Variants in KRTAP3-3 observed in about 807,000 individuals in gnomAD.
The protein encoded by KRTAP3-3 is keratin-associated protein 3-3.
Under a neutral mutation model 5.7 loss-of-function variants are expected in KRTAP3-3, and 8 were observed. That is an observed-to-expected ratio of 1.40 (90% CI 0.82 to 2.52). The LOEUF is 2.52. Ranked by LOEUF, KRTAP3-3 falls within the 30% of genes most tolerant of loss-of-function variation. KRTAP3-3 has a pLI of 0.00. For synonymous variants in KRTAP3-3, 49 were observed against 47.0 expected (o/e 1.04, Z -0.17); for missense variants, 98 against 121.5 (o/e 0.81, Z 0.91).
Position 40,993,782 on chromosome 17 carries a change from T to C in KRTAP3-3, c.*19A>G, listed in dbSNP as rs1912758865. Reference sequence around the variant, plus strand: ...TGTTGACTTTTTCAATCTCAGGCACTGAGCAAAGTAGCCATCCATTAGCAG... The same window carrying C: ...TGTTGACTTTTTCAATCTCAGGCACCGAGCAAAGTAGCCATCCATTAGCAG... On this transcript the variant is annotated 3_prime_UTR_variant, in exon 1 of 1. Coordinates refer to ENST00000391586, the MANE Select transcript of KRTAP3-3 (RefSeq NM_033185.3). 1 of 1,611,724 alleles carries C rather than the reference T, an allele frequency of 6.2e-7. No individual in the cohort carries two copies. The highest frequency in any genetic ancestry group is 8.5e-7 in the Non-Finnish European group (1 of 1,178,230).
rs868460745 is a variant in KRTAP3-3 at position 40,993,958 on chromosome 17, C to A, written c.140G>T (p.Cys47Phe). The A allele has an allele frequency of 5.6e-6, 9 of 1,614,090 alleles. No homozygotes were observed. The highest frequency in any genetic ancestry group is 5.9e-6 in the Non-Finnish European group (7 of 1,180,028). ...GCAGGGTGGGGGACAGTTGTCACAG[C>A]AGGTGGGCTCCAGTAACCAAACTGT... The part of the protein sequence containing the change: ...PHTVWLLEPT[C>F]CDNCPPPCHI... Residue 47 changes from cysteine (C) to phenylalanine (F), a missense_variant, in exon 1 of 1, where the codon TGC becomes TTC. Coordinates refer to ENST00000391586, the MANE Select transcript of KRTAP3-3 (RefSeq NM_033185.3).
In KRTAP3-3 at chr17:40,993,654, T is replaced by A; in HGVS notation, c.*147A>T. 1 of 1,277,640 alleles carries A rather than the reference T, an allele frequency of 7.8e-7. No individual in the cohort carries two copies. Among genetic ancestry groups the A allele is most frequent in the Non-Finnish European group, 1.1e-6 (1 of 945,566 alleles). The allele number at this position is 1,277,640 out of a possible 1,614,324, so 79.1% of individuals were successfully genotyped here. A position where few individuals can be genotyped will look rare whatever the true frequency, so the allele number is the denominator to read the frequency against. ...GTCATTGAAAGTTTCTTGGTCTCTTTTTTTTTGCAGGGGGTGATTGTGGTA... is the reference window on the plus strand; with the variant it reads ...GTCATTGAAAGTTTCTTGGTCTCTTATTTTTTGCAGGGGGTGATTGTGGTA... On this transcript the variant is annotated 3_prime_UTR_variant, in exon 1 of 1. Coordinates refer to ENST00000391586, the MANE Select transcript of KRTAP3-3 (RefSeq NM_033185.3).
chr17:40,993,667 G>A lies in KRTAP3-3; in HGVS notation c.*134C>T, dbSNP rs1182076562. 18 of 1,324,134 alleles carry A rather than the reference G, an allele frequency of 1.4e-5. No individual in the cohort carries two copies. The East Asian group carries it at 4.1e-4, about 30-fold the overall frequency. 82.0% of individuals were successfully genotyped at this position (1,324,134 alleles called of 1,614,324 possible). On this transcript the variant is annotated 3_prime_UTR_variant, in exon 1 of 1. Coordinates refer to ENST00000391586, the MANE Select transcript of KRTAP3-3 (RefSeq NM_033185.3). Reference sequence around the variant, plus strand: ...TCTTGGTCTCTTTTTTTTTGCAGGGGGTGATTGTGGTAGTACCATCCTTGT... The same window carrying A: ...TCTTGGTCTCTTTTTTTTTGCAGGGAGTGATTGTGGTAGTACCATCCTTGT...
Position 40,993,736 on chromosome 17 carries a change from A to C in KRTAP3-3, c.*65T>G. On this transcript the variant is annotated 3_prime_UTR_variant, in exon 1 of 1. Coordinates refer to ENST00000391586, the MANE Select transcript of KRTAP3-3 (RefSeq NM_033185.3). Reference sequence around the variant, plus strand: ...GTACATTAGTTGTAGGTACTGAGATAGGTGAATGCTAAAGCTTCTATGTTG... The same window carrying C: ...GTACATTAGTTGTAGGTACTGAGATCGGTGAATGCTAAAGCTTCTATGTTG... The C allele has an allele frequency of 2.5e-6, 4 of 1,576,190 alleles. No homozygotes were observed. Among genetic ancestry groups the C allele is most frequent in the Non-Finnish European group, 2.6e-6 (3 of 1,157,892 alleles).
Position 40,993,615 on chromosome 17 carries a change from G to T in KRTAP3-3, c.*186C>A, listed in dbSNP as rs1202214728. ...CATCCACTGATTCAAACTGCAGTTG[G>T]TTATAGCTGAATGGTCATTGAAAGT... On this transcript the variant is annotated 3_prime_UTR_variant, in exon 1 of 1. Coordinates refer to ENST00000391586, the MANE Select transcript of KRTAP3-3 (RefSeq NM_033185.3). The T allele has an allele frequency of 2.3e-6, 2 of 870,670 alleles. No individual in the cohort carries two copies. Among genetic ancestry groups the T allele is most frequent in the East Asian group, 2.7e-5 (1 of 37,356 alleles). 53.9% of individuals were successfully genotyped at this position (870,670 alleles called of 1,614,324 possible).
At position 40,993,652 on chromosome 17, in the gene KRTAP3-3, T is replaced by A; in HGVS notation, c.*149A>T. 1 of 1,025,694 alleles carries A rather than the reference T, an allele frequency of 9.7e-7. No individual in the cohort carries two copies. The highest frequency in any genetic ancestry group is 1.4e-6 in the Non-Finnish European group (1 of 736,364). 63.5% of individuals were successfully genotyped at this position (1,025,694 alleles called of 1,614,324 possible). On this transcript the variant is annotated 3_prime_UTR_variant, in exon 1 of 1. Transcript: ENST00000391586. ...TGGTCATTGAAAGTTTCTTGGTCTC[T>A]TTTTTTTTGCAGGGGGTGATTGTGG...
chr17:40,993,675 T>C lies in KRTAP3-3; in HGVS notation c.*126A>G, dbSNP rs1912755424. On this transcript the variant is annotated 3_prime_UTR_variant, in exon 1 of 1. Transcript: ENST00000391586. ...TCTTTTTTTTTGCAGGGGGTGATTG[T>C]GGTAGTACCATCCTTGTTCCAATTT... 6 of 1,385,270 alleles carry C rather than the reference T, an allele frequency of 4.3e-6. No homozygotes were observed. The South Asian group carries it at 4.4e-5, about 10-fold the overall frequency. The allele number at this position is 1,385,270 out of a possible 1,614,324, so 85.8% of individuals were successfully genotyped here. A position where few individuals can be genotyped will look rare whatever the true frequency, so the allele number is the denominator to read the frequency against.
rs1460802373 is a variant in KRTAP3-3, at chr17:40,993,882, CTGGCAGGAGT to C, written c.206_215del (p.Asn69SerfsTer56). Reference sequence around the variant, plus strand: ...TGAGGGTCTCCAGGCCTGGAGTTGGCTGGCAGGAGTTGAGCAGGAAGCAGGTGGGCACGCA... The same window carrying C: ...TGAGGGTCTCCAGGCCTGGAGTTGGCTGAGCAGGAAGCAGGTGGGCACGCA... On this transcript the variant is annotated frameshift_variant, in exon 1 of 1. Coordinates refer to ENST00000391586, the MANE Select transcript of KRTAP3-3 (RefSeq NM_033185.3). LOFTEE classifies it high-confidence loss of function. 5.0e-6 allele frequency: 8 copies of C among 1,613,940 alleles called. No individual in the cohort carries two copies. In the Middle Eastern group the frequency reaches 8.2e-4, roughly 166 times the overall value.
rs867950794 is a variant in KRTAP3-3, at chr17:40,993,850, G to A, written c.248C>T (p.Thr83Ile). The change falls in exon 1 of 1, where the codon ACC becomes ATC. Residue 83 changes from threonine to isoleucine, a missense_variant. Coordinates refer to ENST00000391586, the MANE Select transcript of KRTAP3-3 (RefSeq NM_033185.3). Reference protein sequence around the residue: ...PTPGLETLNLTTFTQPCCEPC... With the variant: ...PTPGLETLNLITFTQPCCEPC... ...CTCACAGCAGGGCTGAGTGAAGGTGGTGAGGTTGAGGGTCTCCAGGCCTGG... is the reference window on the plus strand; with the variant it reads ...CTCACAGCAGGGCTGAGTGAAGGTGATGAGGTTGAGGGTCTCCAGGCCTGG... 5.6e-6 allele frequency: 9 copies of A among 1,614,246 alleles called. No homozygotes were observed. The South Asian group carries it at 7.7e-5, about 14-fold the overall frequency.
chr17:40,993,668 G>T lies in KRTAP3-3; in HGVS notation c.*133C>A, dbSNP rs963905491. The T allele has an allele frequency of 6.0e-6, 8 of 1,332,410 alleles. No homozygotes were observed. In the South Asian group the frequency reaches 1.1e-4, roughly 18 times the overall value. The allele number at this position is 1,332,410 out of a possible 1,614,324, so 82.5% of individuals were successfully genotyped here. ...CTTGGTCTCTTTTTTTTTGCAGGGG[G>T]TGATTGTGGTAGTACCATCCTTGTT... On this transcript the variant is annotated 3_prime_UTR_variant, in exon 1 of 1. Coordinates refer to ENST00000391586, the MANE Select transcript of KRTAP3-3 (RefSeq NM_033185.3).
At position 40,994,113 on chromosome 17, in the gene KRTAP3-3, T is replaced by C. The variant is rs762718694; in HGVS notation, c.-16A>G. ...AGCAATCCATGGCTATTAGAGTCTG[T>C]GGTATTTATGGGTTTGATTGAAAAG... On this transcript the variant is annotated 5_prime_UTR_variant, in exon 1 of 1. Coordinates refer to ENST00000391586, the MANE Select transcript of KRTAP3-3 (RefSeq NM_033185.3). 3.7e-6 allele frequency: 6 copies of C among 1,612,526 alleles called. No individual in the cohort carries two copies. Among genetic ancestry groups the C allele is most frequent in the Non-Finnish European group, 5.1e-6 (6 of 1,179,256 alleles).
At position 40,993,891 on chromosome 17, in the gene KRTAP3-3, G is replaced by A. The variant is rs755672073; in HGVS notation, c.207C>T (p.Asn69=). The A allele has an allele frequency of 8.7e-6, 14 of 1,613,978 alleles. No homozygotes were observed. Among genetic ancestry groups the A allele is most frequent in the East Asian group, 6.7e-5 (3 of 44,892 alleles). ...QPCVPTCFLL[N]SCQPTPGLET... Reference sequence around the variant, plus strand: ...CCAGGCCTGGAGTTGGCTGGCAGGAGTTGAGCAGGAAGCAGGTGGGCACGC... The same window carrying A: ...CCAGGCCTGGAGTTGGCTGGCAGGAATTGAGCAGGAAGCAGGTGGGCACGC... Residue 69 remains asparagine (N), a synonymous_variant, in exon 1 of 1, where the codon AAC becomes AAT. Transcript: ENST00000391586.
Position 40,993,473 on chromosome 17 carries a change from A to T in KRTAP3-3, c.*328T>A. 1 of 341,270 alleles carries T rather than the reference A, an allele frequency of 2.9e-6. No homozygotes were observed. The highest frequency in any genetic ancestry group is 5.3e-6 in the Non-Finnish European group (1 of 187,802). 21.1% of individuals were successfully genotyped at this position (341,270 alleles called of 1,614,324 possible). ...GTAAAATTTATTAGGATAATCATGA[A>T]GAACTTCCTTAATTTTCAGAAAGAT... On this transcript the variant is annotated 3_prime_UTR_variant, in exon 1 of 1. Coordinates refer to ENST00000391586, the MANE Select transcript of KRTAP3-3 (RefSeq NM_033185.3).
rs1408037170 is a variant in KRTAP3-3, at chr17:40,994,159, G to A, written c.-62C>T. The stretch of plus-strand genomic sequence containing the variant: ...AAAAGAAGGATAAGGCTTCTGAGGT[G>A]TGAATATCTCTCCTTTCTCTGGGGC... On this transcript the variant is annotated 5_prime_UTR_variant, in exon 1 of 1. Transcript: ENST00000391586. The A allele has an allele frequency of 3.8e-6, 6 of 1,571,100 alleles. No individual in the cohort carries two copies. Among genetic ancestry groups the A allele is most frequent in the East Asian group, 4.5e-5 (2 of 44,568 alleles).
In KRTAP3-3 at chr17:40,993,513, A is replaced by C. The variant is rs919629841; in HGVS notation, c.*288T>G. The C allele has an allele frequency of 2.9e-5, 13 of 453,410 alleles. No individual in the cohort carries two copies. Among genetic ancestry groups the C allele is most frequent in the African/African-American group, 2.5e-4 (13 of 51,416 alleles). The allele number at this position is 453,410 out of a possible 1,614,324, so 28.1% of individuals were successfully genotyped here. A position where few individuals can be genotyped will look rare whatever the true frequency, so the allele number is the denominator to read the frequency against. ...TTCAGAAAGATACCACCCAAGACTG[A>C]AAACAGAATTCCCAAACCACCCACA... On this transcript the variant is annotated 3_prime_UTR_variant, in exon 1 of 1. Coordinates refer to ENST00000391586, the MANE Select transcript of KRTAP3-3 (RefSeq NM_033185.3).
In KRTAP3-3 at chr17:40,993,610, A is replaced by G. The variant is rs547433839; in HGVS notation, c.*191T>C. On this transcript the variant is annotated 3_prime_UTR_variant, in exon 1 of 1. Coordinates refer to ENST00000391586, the MANE Select transcript of KRTAP3-3 (RefSeq NM_033185.3). ...ATAGGCATCCACTGATTCAAACTGC[A>G]GTTGGTTATAGCTGAATGGTCATTG... is the stretch of plus-strand genomic sequence containing the variant. 1.8e-5 allele frequency: 14 copies of G among 786,580 alleles called. No individual in the cohort carries two copies. The African/African-American group carries it at 2.3e-4, about 13-fold the overall frequency. The allele number at this position is 786,580 out of a possible 1,614,324, so 48.7% of individuals were successfully genotyped here. A position where few individuals can be genotyped will look rare whatever the true frequency, so the allele number is the denominator to read the frequency against.
At position 40,993,663 on chromosome 17, in the gene KRTAP3-3, AG is replaced by A. The variant is rs1393879205; in HGVS notation, c.*137del. On this transcript the variant is annotated 3_prime_UTR_variant, in exon 1 of 1. Transcript: ENST00000391586. ...AGTTTCTTGGTCTCTTTTTTTTTGCAGGGGGTGATTGTGGTAGTACCATCCT... is the reference window on the plus strand; with the variant it reads ...AGTTTCTTGGTCTCTTTTTTTTTGCAGGGGTGATTGTGGTAGTACCATCCT... 5 of 1,294,070 alleles carry A rather than the reference AG, an allele frequency of 3.9e-6. No individual in the cohort carries two copies. Among genetic ancestry groups the A allele is most frequent in the Non-Finnish European group, 5.2e-6 (5 of 957,820 alleles). 80.2% of individuals were successfully genotyped at this position (1,294,070 alleles called of 1,614,324 possible). A position where few individuals can be genotyped will look rare whatever the true frequency, so the allele number is the denominator to read the frequency against.
chr17:40,993,651 C>CTTTTTTTTT lies in KRTAP3-3; in HGVS notation c.*141_*149dup. ...ATGGTCATTGAAAGTTTCTTGGTCT[C>CTTTTTTTTT]TTTTTTTTTGCAGGGGGTGATTGTG... On this transcript the variant is annotated 3_prime_UTR_variant, in exon 1 of 1. Coordinates refer to ENST00000391586, the MANE Select transcript of KRTAP3-3 (RefSeq NM_033185.3). 1 of 1,221,556 alleles carries CTTTTTTTTT rather than the reference C, an allele frequency of 8.2e-7. No homozygotes were observed. The highest frequency in any genetic ancestry group is 1.1e-6 in the Non-Finnish European group (1 of 900,770). The allele number at this position is 1,221,556 out of a possible 1,614,324, so 75.7% of individuals were successfully genotyped here. A position where few individuals can be genotyped will look rare whatever the true frequency, so the allele number is the denominator to read the frequency against.
rs765147459 is a variant in KRTAP3-3, at chr17:40,994,059, G to T, written c.39C>A (p.Thr13=). ...AGGAGCAGATGGTGGTGGCAGGCCC[G>T]GTGGGGACACTGCAGCCTCGAGAGG... is the stretch of plus-strand genomic sequence containing the variant. ...CCASRGCSVP[T]GPATTICSSD... is the part of the protein sequence containing the mutation. The change falls in exon 1 of 1, where the codon ACC becomes ACA. Residue 13 remains threonine, a synonymous_variant. Transcript: ENST00000391586. 6.2e-7 allele frequency: 1 copy of T among 1,614,198 alleles called. No individual in the cohort carries two copies. Among genetic ancestry groups the T allele is most frequent in the Admixed American group, 1.7e-5 (1 of 60,034 alleles).
Sources: allele counts gnomAD v4.1 joint callset, GRCh38; gene constraint gnomAD v4.1.1; transcripts MANE v1.5; gene names NCBI Gene and HGNC (gene_info 2026-07-23, HGNC 2026-07-21).